The following SLMAP variants were observed in gnomAD, a reference collection of about 807,000 sequenced individuals.
The protein encoded by SLMAP is sarcolemma associated protein.
In SLMAP, 44 loss-of-function variants were observed where a neutral mutation model predicts 128.8. The observed-to-expected ratio is 0.34, with a 90% CI of 0.27 to 0.44. SLMAP has a LOEUF of 0.44. Among genes scored for constraint, SLMAP ranks in the 20% least tolerant of loss-of-function variants. The pLI, the probability that SLMAP is intolerant of heterozygous loss-of-function variation, is 1.00. For missense variants in SLMAP, 787 were observed against 985.3 expected, an observed-to-expected ratio of 0.80 and a Z score of 2.69; for synonymous variants, 327 against 348.8, an observed-to-expected ratio of 0.94 and a Z score of 0.70.
chr3:57,891,551 A>G (rs116804148), intron 15 of SLMAP, among the ~76,000 whole-genome samples: 2,768 of 151,668 alleles, frequency 0.018, 72 homozygotes, highest in African/African-American at 0.063. Context: ...TTTTGATCCA[A>G]CAATTCCACT....
intron 2 of SLMAP, among the ~76,000 whole-genome samples, chr3:57,761,796 C>G (rs2078693860): frequency 6.6e-6 from 1 of 150,872 alleles, no homozygotes; most frequent in African/African-American, 2.4e-5. Flanking sequence ...GCCTGTAATC[C>G]CAGCACTTTG....
Position 57,889,993 on chromosome 3 carries a change from A to G in SLMAP, c.1301-48A>G, listed in dbSNP as rs762620846. ...GTGTTACACTGCCCAGCTCAGGGAA[A>G]TGCTGCTCAGTTTGGGCTTGGATGG... is the stretch of plus-strand genomic sequence containing the variant. On this transcript the variant is annotated intron_variant, in intron 14 of 24. Transcript: ENST00000671191. The G allele has an allele frequency of 1.3e-5, 17 of 1,330,896 alleles. No individual in the cohort carries two copies. In the South Asian group the frequency reaches 2.0e-4, roughly 16 times the overall value. 82.4% of individuals were successfully genotyped at this position (1,330,896 alleles called of 1,614,324 possible).
chr3:57,846,660 G>T (rs966853839), intron 4 of SLMAP, among the ~76,000 whole-genome samples: 1 of 151,032 alleles, frequency 6.6e-6, no homozygotes, highest in African/African-American at 2.4e-5. Context: ...GAGTTCAAGC[G>T]ATTCTTATGC....
At chr3:57,799,331 T>A (rs1358268691) in intron 2 of SLMAP, among the ~76,000 whole-genome samples, 1 of 152,250 alleles carries the variant, frequency 6.6e-6, no homozygotes, top group Non-Finnish European at 1.5e-5. Flanking sequence ...CTTTGTGACC[T>A]ACTGATGGAG....
chr3:57,831,363 G>GT lies in SLMAP; in HGVS notation c.199-15dup. 3 of 1,451,394 alleles carry GT rather than the reference G, an allele frequency of 2.1e-6. No individual in the cohort carries two copies. Among genetic ancestry groups the GT allele is most frequent in the Admixed American group, 2.5e-5 (1 of 39,842 alleles). 89.9% of individuals were successfully genotyped at this position (1,451,394 alleles called of 1,614,324 possible). ...TACTATTAATATTTGGCCCTTTTTT[G>GT]TTTTTGTTTTTTTTTGCAGTTTTAT... is the stretch of plus-strand genomic sequence containing the variant. On this transcript the variant is annotated intron_variant, in intron 2 of 24. Transcript: ENST00000671191.
chr3:57,929,460 T>G lies in SLMAP; in HGVS notation c.*2171T>G, dbSNP rs2097049423. On this transcript the variant is annotated 3_prime_UTR_variant, in exon 25 of 25. Transcript: ENST00000671191. ...CAATATTTACTTCATTCAAGTGGAA[T>G]AAATGGCTTTTTGTAGTTACTTCCA... Among the ~76,000 whole-genome samples, 1 of 152,236 alleles carries G rather than the reference T, an allele frequency of 6.6e-6. No individual in the cohort carries two copies. The highest frequency in any genetic ancestry group is 2.1e-4 in the South Asian group (1 of 4,830).
intron 2 of SLMAP, among the ~76,000 whole-genome samples, chr3:57,824,822 G>A (rs779755709): frequency 2.6e-5 from 4 of 152,024 alleles, no homozygotes; most frequent in Non-Finnish European, 4.4e-5. Context: ...GGATTGTGCC[G>A]GATCTGTGGA....
chr3:57,899,179 C>G lies in SLMAP; in HGVS notation c.1501+2247C>G, dbSNP rs551564247. 4 of 152,056 alleles carry G rather than the reference C, an allele frequency of 2.6e-5. No homozygotes were observed. In the East Asian group the frequency reaches 7.7e-4, roughly 29 times the overall value. 9.4% of individuals were successfully genotyped at this position (152,056 alleles called of 1,614,324 possible). A position where few individuals can be genotyped will look rare whatever the true frequency, so the allele number is the denominator to read the frequency against. Reference sequence around the variant, plus strand: ...AATGCATTTATTTGTTTGTTACTTGCCAGATAATCAGGAAAAAATATTTTT... The same window carrying G: ...AATGCATTTATTTGTTTGTTACTTGGCAGATAATCAGGAAAAAATATTTTT... On this transcript the variant is annotated intron_variant, in intron 17 of 24. Transcript: ENST00000671191.
At chr3:57,792,305 C>T (rs1471666590) in intron 2 of SLMAP, among the ~76,000 whole-genome samples, 1 of 151,838 alleles carries the variant, frequency 6.6e-6, no homozygotes, top group African/African-American at 2.4e-5. Flanking sequence ...CTGAAACAGT[C>T]ATTGTTAGAA....
intron 14 of SLMAP, among the ~76,000 whole-genome samples, chr3:57,876,767 G>C (rs564833503): frequency 6.6e-6 from 1 of 152,164 alleles, no homozygotes. Context: ...TAACTTGTAC[G>C]CGTGGTGGAA....
intron 2 of SLMAP, among the ~76,000 whole-genome samples, chr3:57,810,562 A>T (rs1576861397): frequency 6.6e-6 from 1 of 152,170 alleles, no homozygotes; most frequent in East Asian, 1.9e-4. Context: ...AAAACTTCTT[A>T]AAAGATTTAT....
chr3:57,817,798 G>A (rs941218191), intron 2 of SLMAP, among the ~76,000 whole-genome samples: 27 of 152,180 alleles, frequency 1.8e-4, no homozygotes, highest in African/African-American at 6.5e-4. Context: ...AAATTTATTA[G>A]GATTGTGTGT....
At chr3:57,826,665 G>A (rs1350201573) in intron 2 of SLMAP, among the ~76,000 whole-genome samples, 1 of 152,148 alleles carries the variant, frequency 6.6e-6, no homozygotes, top group African/African-American at 2.4e-5. Context: ...GCTTTGGTTG[G>A]TAGGTTGGTT....
intron 17 of SLMAP, chr3:57,897,839 G>C (rs1226538136): frequency 6.6e-6 from 1 of 152,218 alleles, no homozygotes; most frequent in African/African-American, 2.4e-5. Context: ...AAATAAATCA[G>C]CATTTATAAA....
intron 14 of SLMAP, among the ~76,000 whole-genome samples, chr3:57,882,409 G>A (rs1324986529): frequency 1.3e-5 from 2 of 152,186 alleles, no homozygotes; most frequent in African/African-American, 4.8e-5. Context: ...GAACAGATAT[G>A]GGACTAAGCT....
Position 57,770,935 on chromosome 3 carries a change from C to G in SLMAP, c.198+13086C>G, listed in dbSNP as rs576893252. On this transcript the variant is annotated intron_variant, in intron 2 of 24. Transcript: ENST00000671191. ...TTTTGGAATATTTGCATTATACTTA[C>G]ACTTACCAGTTGAACATTCCTAATT... is the stretch of plus-strand genomic sequence containing the variant. 1.6e-4 allele frequency among the ~76,000 whole-genome samples: 25 copies of G among 152,234 alleles called. No homozygotes were observed. The South Asian group carries it at 5.2e-3, about 32-fold the overall frequency.
chr3:57,917,223 AT>A (rs1484768971), intron 22 of SLMAP, 146 bp downstream of exon 22: 42 of 1,514,896 alleles, frequency 2.8e-5, no homozygotes, highest in African/African-American at 4.2e-5. Context: ...CTGCTTGGTG[AT>A]TTCTAGCTGC....
At chr3:57,792,796 G>T (rs2153477494) in intron 2 of SLMAP, among the ~76,000 whole-genome samples, 1 of 152,020 alleles carries the variant, frequency 6.6e-6, no homozygotes, top group East Asian at 1.9e-4. Context: ...TTTTTTTAAA[G>T]AAATGTAAAA....
At position 57,928,874 on chromosome 3, in the gene SLMAP, A is replaced by G. The variant is rs901551947; in HGVS notation, c.*1585A>G. On this transcript the variant is annotated 3_prime_UTR_variant, in exon 25 of 25. Coordinates refer to ENST00000671191, the MANE Select transcript of SLMAP (RefSeq NM_001377540.1). The stretch of plus-strand genomic sequence containing the variant: ...TAGATTTATGGAGGAATTAGTCACA[A>G]ATGACTTGTAGAAAATACTGTCATA... The G allele has an allele frequency of 9.2e-5, 14 of 152,578 alleles. No individual in the cohort carries two copies. The highest frequency in any genetic ancestry group is 3.4e-4 in the African/African-American group (14 of 41,438). 9.5% of individuals were successfully genotyped at this position (152,578 alleles called of 1,614,324 possible).
Sources: gnomAD v4.1 joint callset for allele counts (sites outside exome capture counted in the v4.1 genomes callset) on GRCh38, gnomAD v4.1.1 for gene constraint, MANE v1.5 for transcripts, NCBI Gene and HGNC (gene_info 2026-07-23, HGNC 2026-07-21) for gene names.